NHSL1: variants seen among roughly 807,000 people sequenced by gnomAD.
The protein encoded by NHSL1 is NHS like 1.
NHSL1 carries 48 observed loss-of-function variants against 95.0 expected under a neutral mutation model. That is an observed-to-expected ratio of 0.51 (90% CI 0.40 to 0.64). NHSL1 has a LOEUF of 0.64. NHSL1 is among the 30% of genes least tolerant of loss of function. The probability of loss-of-function intolerance (pLI) is 0.00; values close to 1 mark genes in which losing one functional copy is unlikely to be tolerated. For missense variants in NHSL1, 1,971 were observed against 2,077.7 expected, an observed-to-expected ratio of 0.95 and a Z score of 1.00; for synonymous variants, 783 against 833.9, an observed-to-expected ratio of 0.94 and a Z score of 1.05.
At chr6:138,601,917 G>T (rs1173774290) in intron 1 of NHSL1, among the ~76,000 whole-genome samples, 1 of 152,066 alleles carries the variant, frequency 6.6e-6, no homozygotes, top group Non-Finnish European at 1.5e-5. Context: ...ATAAGAAAAT[G>T]TACACACTTT....
At chr6:138,476,957 TAAAAAAAAAAAAAAA>T (rs58311101) in intron 2 of NHSL1, among the ~76,000 whole-genome samples, 3 of 100,514 alleles carry the variant, frequency 3.0e-5, no homozygotes, top group South Asian at 3.5e-4. Flanking sequence ...TCCCTGAATC[TAAAAAAAAAAAAAAA>T]AAAAAAAAAA....
At chr6:138,606,245 A>G (rs1009226770) in intron 1 of NHSL1, among the ~76,000 whole-genome samples, 2 of 152,206 alleles carry the variant, frequency 1.3e-5, no homozygotes, top group African/African-American at 4.8e-5. Context: ...CTTGCAACCA[A>G]AATACTTCAT....
chr6:138,502,223 T>C (rs1562332457), upstream of NHSL1, among the ~76,000 whole-genome samples: 1 of 152,200 alleles, frequency 6.6e-6, no homozygotes, highest in Non-Finnish European at 1.5e-5. Context: ...CTATATTAAG[T>C]TGTATTTTGA....
chr6:138,627,708 C>T (rs1209309743), intron 1 of NHSL1, among the ~76,000 whole-genome samples: 2 of 151,716 alleles, frequency 1.3e-5, no homozygotes, highest in East Asian at 3.9e-4. Context: ...ATGGTGAAAC[C>T]CTGTCTCTAC....
intron 1 of NHSL1, chr6:138,512,540 C>T (rs1320745120): frequency 2.4e-5 from 4 of 167,744 alleles, no homozygotes; most frequent in Non-Finnish European, 5.1e-5. Flanking sequence ...TCCCCCGACA[C>T]CAAAAAAGAA....
chr6:138,613,111 T>G (rs1034692745), intron 1 of NHSL1, among the ~76,000 whole-genome samples: 1 of 152,206 alleles, frequency 6.6e-6, no homozygotes, highest in Non-Finnish European at 1.5e-5. Context: ...AATAAAATGA[T>G]GCAAACAGGT....
At chr6:138,649,438 C>A (rs74894486) in intron 1 of NHSL1, among the ~76,000 whole-genome samples, 9,747 of 146,182 alleles carry the variant, frequency 0.067, 331 homozygotes, top group African/African-American at 0.08. Context: ...AAAAAAAAAA[C>A]CAGGGAATTC....
chr6:138,575,960 CATTTATTTATTTATTT>C (rs10626397), upstream of NHSL1, among the ~76,000 whole-genome samples: 610 of 144,704 alleles, frequency 4.2e-3, 5 homozygotes, highest in Admixed American at 0.014. Flanking sequence ...AAAATCCCTA[CATTTATTTATTTATTT>C]ATTTATTTAT....
At chr6:138,464,315 G>A (rs1045429018) in intron 3 of NHSL1, 8 of 645,776 alleles carry the variant, frequency 1.2e-5, no homozygotes, top group Non-Finnish European at 1.9e-5. Context: ...GGCCCTCAGC[G>A]CCACACTCCT....
At chr6:138,597,877 TTA>T (rs139939732) in intron 1 of NHSL1, among the ~76,000 whole-genome samples, 4,641 of 152,256 alleles carry the variant, frequency 0.03, 203 homozygotes, top group African/African-American at 0.1. Context: ...AAAATATTTC[TTA>T]TGACTGAGAA....
chr6:138,681,135 AAAT>A (rs1785506469), intron 1 of NHSL1, among the ~76,000 whole-genome samples: 2 of 152,378 alleles, frequency 1.3e-5, no homozygotes, highest in East Asian at 3.9e-4. Flanking sequence ...ACAATGAGGA[AAAT>A]AATACTTTGG....
At chr6:138,688,662 T>A (rs954560487) in intron 1 of NHSL1, among the ~76,000 whole-genome samples, 2 of 151,736 alleles carry the variant, frequency 1.3e-5, no homozygotes, top group Middle Eastern at 3.2e-3. Flanking sequence ...AAAATAAAAA[T>A]AAAAAAATAG....
chr6:138,608,801 T>C (rs1784469511), intron 1 of NHSL1, among the ~76,000 whole-genome samples: 1 of 152,218 alleles, frequency 6.6e-6, no homozygotes, highest in Non-Finnish European at 1.5e-5. Flanking sequence ...TATATCATAA[T>C]ATACAAATAT....
intron 5 of NHSL1, among the ~76,000 whole-genome samples, chr6:138,437,579 C>G (rs527807816): frequency 6.6e-6 from 1 of 151,576 alleles, no homozygotes; most frequent in Non-Finnish European, 1.5e-5. Context: ...ACTTTCAAGT[C>G]TTAATTTTGT....
chr6:138,630,217 C>T (rs75413989), intron 1 of NHSL1, among the ~76,000 whole-genome samples: 6,837 of 150,794 alleles, frequency 0.045, 220 homozygotes, highest in South Asian at 0.067. Context: ...CCCGCCCACT[C>T]CCACCAAAAA....
rs199935048 is a variant in NHSL1 at position 138,449,468 on chromosome 6, A to C, written c.340-2275T>G. On this transcript the variant is annotated intron_variant, in intron 3 of 7. Coordinates refer to ENST00000343505, the MANE Select transcript of NHSL1 (RefSeq NM_001144060.2). ...GAGGCGGGCAGATCACAAAGTCAGG[A>C]CATCGAGACCATCCTGGCCAAAATG... Among the ~76,000 whole-genome samples the C allele has an allele frequency of 5.1e-4, 77 of 152,278 alleles. 2 individuals are homozygous for C. In the East Asian group the frequency reaches 0.013, roughly 26 times the overall value.
upstream of NHSL1, among the ~76,000 whole-genome samples, chr6:138,548,399 A>C (rs1782885364): frequency 1.3e-5 from 2 of 152,242 alleles, no homozygotes; most frequent in Admixed American, 6.5e-5. Context: ...AAGTCTGTCC[A>C]ACCTGTGGCC....
At chr6:138,679,398 T>A (rs1043181552) in intron 1 of NHSL1, among the ~76,000 whole-genome samples, 16 of 152,356 alleles carry the variant, frequency 1.1e-4, no homozygotes, top group African/African-American at 3.6e-4. Context: ...CTAACTTTTT[T>A]GACTCAATCT....
intron 1 of NHSL1, among the ~76,000 whole-genome samples, chr6:138,589,076 A>ATCC (rs1231673456): frequency 6.6e-6 from 1 of 152,184 alleles, no homozygotes; most frequent in African/African-American, 2.4e-5. Context: ...GAGTATTTGT[A>ATCC]TCCTAACACC....
Sources: allele counts gnomAD v4.1 joint callset (sites outside exome capture counted in the v4.1 genomes callset), GRCh38; gene constraint gnomAD v4.1.1; transcripts MANE v1.5; gene names NCBI Gene and HGNC (gene_info 2026-07-23, HGNC 2026-07-21).